The following PRKAG2 variants were observed in gnomAD, a reference collection of about 807,000 sequenced individuals.
PRKAG2 encodes the protein 5'-AMP-activated protein kinase subunit gamma-2.
A neutral mutation model predicts 69.6 loss-of-function variants in PRKAG2; 26 were observed. That is an observed-to-expected ratio of 0.37 (90% CI 0.27 to 0.52). The LOEUF (loss-of-function observed/expected upper bound fraction) is 0.52. Ranked by LOEUF, PRKAG2 falls within the 20% of genes least tolerant of loss-of-function variation. The pLI is 0.90. For synonymous variants in PRKAG2, 293 were observed against 285.0 expected (o/e 1.03, Z -0.28); for missense variants, 557 against 740.0 (o/e 0.75, Z 2.87).
chr7:151,629,267 C>T (rs760178851), intron 5 of PRKAG2, among the ~76,000 whole-genome samples: 4 of 152,168 alleles, frequency 2.6e-5, no homozygotes, highest in Non-Finnish European at 5.9e-5. Flanking sequence ...TCCTGTTATT[C>T]CAAGAGGGGT....
intron 4 of PRKAG2, among the ~76,000 whole-genome samples, chr7:151,670,573 C>G (rs1183746508): frequency 6.6e-6 from 1 of 152,196 alleles, no homozygotes; most frequent in Admixed American, 6.5e-5. Flanking sequence ...AGCTCTTCCA[C>G]TCATCAAGAT....
At chr7:151,658,314 C>T (rs892927056) in intron 4 of PRKAG2, among the ~76,000 whole-genome samples, 14 of 151,134 alleles carry the variant, frequency 9.3e-5, no homozygotes, top group African/African-American at 2.4e-4. Context: ...GGTGAAACCC[C>T]GTCTCTACTA....
intron 1 of PRKAG2, among the ~76,000 whole-genome samples, chr7:151,827,052 G>T (rs931417804): frequency 2.0e-5 from 3 of 152,194 alleles, no homozygotes; most frequent in African/African-American, 7.2e-5. Flanking sequence ...GAACACTACA[G>T]ATAAGTCATA....
rs771720151 is a variant in PRKAG2 at position 151,861,830 on chromosome 7, AG to A, written c.114+14676del. On this transcript the variant is annotated intron_variant, in intron 1 of 15. Transcript: ENST00000287878. ...GCCAGTGAACTGCCCAATAGGACAC[AG>A]GGGGCAATCATTGACACCGGGGTTG... Among the ~76,000 whole-genome samples the A allele has an allele frequency of 7.1e-4, 108 of 152,186 alleles. 3 individuals are homozygous for A. The highest frequency in any genetic ancestry group is 2.8e-4 in the Non-Finnish European group (19 of 68,010).
intron 4 of PRKAG2, among the ~76,000 whole-genome samples, chr7:151,664,634 A>G (rs1250519915): frequency 1.3e-5 from 2 of 152,248 alleles, no homozygotes. Flanking sequence ...TAGACAAGAA[A>G]TACACATATT....
chr7:151,598,738 G>A (rs774328190), intron 5 of PRKAG2, among the ~76,000 whole-genome samples: 7 of 152,092 alleles, frequency 4.6e-5, no homozygotes, highest in South Asian at 2.1e-4. Flanking sequence ...ATGGAAATAC[G>A]GACTTACACA....
rs114950703 is a variant in PRKAG2, at chr7:151,856,765, C to T, written c.114+19742G>A. ...CCCCACCGGAGCACGGTCACCTGTG[C>T]CTCATCAGCCACGTGGCCGCCACAG... is the stretch of plus-strand genomic sequence containing the variant. On this transcript the variant is annotated intron_variant, in intron 1 of 15. Coordinates refer to ENST00000287878, the MANE Select transcript of PRKAG2 (RefSeq NM_016203.4). 8.2e-3 allele frequency among the ~76,000 whole-genome samples: 1,256 copies of T among 152,250 alleles called. 16 individuals are homozygous for T. The highest frequency in any genetic ancestry group is 0.029 in the African/African-American group (1,184 of 41,540).
At chr7:151,841,304 A>T (rs138804364) in intron 1 of PRKAG2, among the ~76,000 whole-genome samples, 18 of 152,280 alleles carry the variant, frequency 1.2e-4, no homozygotes, top group Admixed American at 1.2e-3. Flanking sequence ...TGGTGGTAGT[A>T]ACAGTAGGTA....
chr7:151,813,301 C>T (rs2078516662), intron 1 of PRKAG2, among the ~76,000 whole-genome samples: 1 of 152,090 alleles, frequency 6.6e-6, no homozygotes, highest in African/African-American at 2.4e-5. Context: ...GCTAGCCCAG[C>T]CTTCTTCAAT....
intron 1 of PRKAG2, among the ~76,000 whole-genome samples, chr7:151,802,079 G>A (rs905954356): frequency 1.3e-4 from 20 of 152,264 alleles, no homozygotes; most frequent in Middle Eastern, 3.4e-3. Context: ...TGGCCTCTGC[G>A]TGTGTCACCT....
intron 1 of PRKAG2, among the ~76,000 whole-genome samples, chr7:151,820,504 T>TCCAACTTCACGTCTCCCACA (rs1563728088): frequency 1.8e-3 from 154 of 87,612 alleles, no homozygotes; most frequent in East Asian, 8.5e-3. Flanking sequence ...CTCCGTGGCC[T>TCCAACTTCACGTCTCCCACA]GGCCCCTGTG....
intron 3 of PRKAG2, among the ~76,000 whole-genome samples, chr7:151,735,391 C>T (rs1273096211): frequency 6.6e-6 from 1 of 152,122 alleles, no homozygotes; most frequent in Non-Finnish European, 1.5e-5. Flanking sequence ...TGCCAGAGAC[C>T]AGGGAGACCA....
chr7:151,713,483 A>C (rs900573357), intron 3 of PRKAG2, among the ~76,000 whole-genome samples: 1 of 152,148 alleles, frequency 6.6e-6, no homozygotes, highest in African/African-American at 2.4e-5. Flanking sequence ...AAAAATTTAA[A>C]CACATATGTA....
chr7:151,743,056 A>G (rs2074012273), intron 3 of PRKAG2, among the ~76,000 whole-genome samples: 1 of 152,166 alleles, frequency 6.6e-6, no homozygotes, highest in Admixed American at 6.5e-5. Context: ...TGTTTCCGCC[A>G]GTCGATGATC....
At chr7:151,678,034 G>A (rs1436120565) in intron 3 of PRKAG2, among the ~76,000 whole-genome samples, 1 of 152,090 alleles carries the variant, frequency 6.6e-6, no homozygotes, top group Non-Finnish European at 1.5e-5. Flanking sequence ...CCACAGGCCT[G>A]GTTCACTCTC....
chr7:151,818,469 A>G (rs2078697006), intron 1 of PRKAG2, among the ~76,000 whole-genome samples: 1 of 152,240 alleles, frequency 6.6e-6, no homozygotes, highest in African/African-American at 2.4e-5. Flanking sequence ...ATGCAGGACT[A>G]CACCACTGCA....
intron 4 of PRKAG2, among the ~76,000 whole-genome samples, chr7:151,639,039 G>A (rs1406482102): frequency 1.3e-5 from 2 of 152,112 alleles, no homozygotes; most frequent in Non-Finnish European, 2.9e-5. Context: ...CGTTCCCACT[G>A]GGCATTCTCC....
intron 1 of PRKAG2, among the ~76,000 whole-genome samples, chr7:151,808,006 C>G (rs974816208): frequency 6.6e-6 from 1 of 152,120 alleles, no homozygotes; most frequent in African/African-American, 2.4e-5. Flanking sequence ...TTTCCCTCTG[C>G]CCAAGTGAGC....
At chr7:151,762,207 G>C (rs948579190) in intron 3 of PRKAG2, among the ~76,000 whole-genome samples, 6 of 152,172 alleles carry the variant, frequency 3.9e-5, no homozygotes, top group Non-Finnish European at 8.8e-5. Flanking sequence ...GGGAGAAGAC[G>C]AGAGGAAGGC....
Sources: allele counts gnomAD v4.1 joint callset (sites outside exome capture counted in the v4.1 genomes callset), GRCh38; gene constraint gnomAD v4.1.1; transcripts MANE v1.5; gene names NCBI Gene and HGNC (gene_info 2026-07-23, HGNC 2026-07-21).